The following LPXN variants were observed in gnomAD, a reference collection of about 807,000 sequenced individuals.
LPXN encodes the protein leupaxin.
Under a neutral mutation model 45.6 loss-of-function variants are expected in LPXN, and 28 were observed. The ratio of observed to expected loss-of-function variants is 0.61; its 90% CI spans 0.45 to 0.84. The LOEUF (loss-of-function observed/expected upper bound fraction) is 0.84. LPXN is among the 40% of genes least tolerant of loss of function. LPXN has a pLI of 0.00. For missense variants in LPXN, 459 were observed against 475.0 expected, an observed-to-expected ratio of 0.97 and a Z score of 0.31; for synonymous variants, 166 against 169.9, an observed-to-expected ratio of 0.98 and a Z score of 0.18.
intron 3 of LPXN, among the ~76,000 whole-genome samples, chr11:58,555,767 T>G (rs1044335126): frequency 5.8e-5 from 4 of 68,564 alleles, no homozygotes; most frequent in Non-Finnish European, 1.1e-4. Context: ...CTCACACACA[T>G]GCACACACAC....
intron 2 of LPXN, among the ~76,000 whole-genome samples, chr11:58,565,729 T>C (rs906092586): frequency 5.9e-5 from 9 of 152,126 alleles, no homozygotes; most frequent in Non-Finnish European, 1.2e-4. Flanking sequence ...ACGCCTATCA[T>C]CCCAGCACTT....
intron 3 of LPXN, among the ~76,000 whole-genome samples, chr11:58,556,549 T>C (rs1348751871): frequency 6.6e-6 from 1 of 151,974 alleles, no homozygotes; most frequent in Non-Finnish European, 1.5e-5. Context: ...ATTATATATT[T>C]GAAAAAAAGG....
At chr11:58,561,507 C>A (rs1854375957) in intron 3 of LPXN, among the ~76,000 whole-genome samples, 1 of 152,164 alleles carries the variant, frequency 6.6e-6, no homozygotes, top group Non-Finnish European at 1.5e-5. Flanking sequence ...TTGATTCAAT[C>A]CATTGTGGAT....
chr11:58,527,829 AC>A (rs1450307616), intron 8 of LPXN, 106 bp from the exon 9 acceptor site: 6 of 1,222,524 alleles, frequency 4.9e-6, no homozygotes, highest in Non-Finnish European at 6.8e-6. Context: ...CCTGCCAGCT[AC>A]AGGAATTTCC....
At chr11:58,555,799 G>A (rs1854186322) in intron 3 of LPXN, among the ~76,000 whole-genome samples, 1 of 150,410 alleles carries the variant, frequency 6.6e-6, no homozygotes, top group South Asian at 2.1e-4. Context: ...CACGCCTTTG[G>A]GAGTTGAAAG....
chr11:58,548,876 T>C (rs1853951522), intron 7 of LPXN, among the ~76,000 whole-genome samples: 1 of 152,196 alleles, frequency 6.6e-6, no homozygotes, highest in Non-Finnish European at 1.5e-5. Context: ...ATGGCTTACT[T>C]GTGAGCAGTA....
At chr11:58,570,426 T>C (rs1305616586) in intron 2 of LPXN, 130 bp downstream of exon 2, 10 of 599,088 alleles carry the variant, frequency 1.7e-5, no homozygotes, top group South Asian at 9.1e-5. Context: ...TAGATTAACA[T>C]TGAGGCATTA....
intron 7 of LPXN, among the ~76,000 whole-genome samples, chr11:58,549,551 G>A (rs1391481091): frequency 6.6e-6 from 1 of 152,214 alleles, no homozygotes; most frequent in East Asian, 1.9e-4. Context: ...TATTACCCTT[G>A]AAGTAATATT....
At chr11:58,570,441 TTC>T (rs1314082638) in intron 2 of LPXN, 113 bp downstream of exon 2, 1 of 718,264 alleles carries the variant, frequency 1.4e-6, no homozygotes, top group African/African-American at 1.8e-5. Context: ...GCATTATTTT[TTC>T]TCTTTCTTGG....
In LPXN at chr11:58,551,123, C is replaced by T; in HGVS notation, c.428G>A (p.Gly143Asp). ...ATGGCCCTTGGGCACTGTGGCAATG[C>T]CAAGGTCCTGCAATTCCTGCTCCAG... Reference protein sequence around the residue: ...GGLEQELQDLGIATVPKGHCA... With the variant: ...GGLEQELQDLDIATVPKGHCA... Residue 143 changes from glycine (G) to aspartate (D), a missense_variant, in exon 5 of 9, where the codon GGC (glycine) becomes GAC (aspartate). Physicochemically the swap from Gly to Asp is moderately conservative, Grantham distance 94. Coordinates refer to ENST00000395074, the MANE Select transcript of LPXN (RefSeq NM_004811.3). The T allele has an allele frequency of 6.2e-7, 1 of 1,609,750 alleles. No individual in the cohort carries two copies. Among genetic ancestry groups the T allele is most frequent in the Non-Finnish European group, 8.5e-7 (1 of 1,178,032 alleles).
At chr11:58,572,396 C>A (rs565453766) in intron 1 of LPXN, among the ~76,000 whole-genome samples, 2 of 151,666 alleles carry the variant, frequency 1.3e-5, no homozygotes, top group Non-Finnish European at 2.9e-5. Context: ...ACTAAACTCT[C>A]GGGCAAATGA....
At chr11:58,561,068 A>G (rs1456611125) in intron 3 of LPXN, among the ~76,000 whole-genome samples, 2 of 152,176 alleles carry the variant, frequency 1.3e-5, no homozygotes, top group Non-Finnish European at 2.9e-5. Context: ...AATCAACATT[A>G]ATCAACAGAG....
At chr11:58,573,739 G>A (rs1854787193) in intron 1 of LPXN, among the ~76,000 whole-genome samples, 1 of 152,114 alleles carries the variant, frequency 6.6e-6, no homozygotes, top group Admixed American at 6.5e-5. Context: ...CGGGGGAAGT[G>A]GGGACTAGAC....
At chr11:58,577,141 C>A (rs1362025507), upstream of LPXN, among the ~76,000 whole-genome samples, 1 of 151,478 alleles carries the variant, frequency 6.6e-6, no homozygotes, top group African/African-American at 2.4e-5. Context: ...ATTCCACTGT[C>A]TGTACATTTT....
At chr11:58,534,895 T>C (rs1853502967) in intron 7 of LPXN, among the ~76,000 whole-genome samples, 1 of 152,210 alleles carries the variant, frequency 6.6e-6, no homozygotes, top group South Asian at 2.1e-4. Context: ...TAAACACCTC[T>C]ATACAAATAA....
intron 7 of LPXN, among the ~76,000 whole-genome samples, chr11:58,537,776 T>G (rs1853594649): frequency 1.3e-5 from 2 of 151,980 alleles, no homozygotes; most frequent in Non-Finnish European, 2.9e-5. Flanking sequence ...TTTATTTTAT[T>G]TTATTATTAT....
At chr11:58,547,851 G>C (rs1330662981) in intron 7 of LPXN, among the ~76,000 whole-genome samples, 1 of 151,994 alleles carries the variant, frequency 6.6e-6, no homozygotes, top group Non-Finnish European at 1.5e-5. Context: ...ATTTATGAGA[G>C]GAGAAATCCT....
intron 7 of LPXN, among the ~76,000 whole-genome samples, chr11:58,531,285 A>G (rs1853379598): frequency 6.6e-6 from 1 of 152,124 alleles, no homozygotes; most frequent in East Asian, 1.9e-4. Flanking sequence ...GTTCTAACCC[A>G]ATGCAAGGAA....
chr11:58,575,330 T>C (rs1465935283), intron 1 of LPXN, among the ~76,000 whole-genome samples: 1 of 152,220 alleles, frequency 6.6e-6, no homozygotes, highest in Non-Finnish European at 1.5e-5. Flanking sequence ...CTTATACTTC[T>C]AGTCCGTCTT....
Sources: gnomAD v4.1 joint callset for allele counts (sites outside exome capture counted in the v4.1 genomes callset) on GRCh38, gnomAD v4.1.1 for gene constraint, MANE v1.5 for transcripts, NCBI Gene and HGNC (gene_info 2026-07-23, HGNC 2026-07-21) for gene names.